Variants in PARD3B observed in about 807,000 individuals in gnomAD.
The protein encoded by PARD3B is par-3 family cell polarity regulator beta, also known as partitioning defective 3 homolog B.
Under a neutral mutation model 130.2 loss-of-function variants are expected in PARD3B, and 103 were observed. The ratio of observed to expected loss-of-function variants is 0.79; its 90% CI spans 0.67 to 0.93. PARD3B has a LOEUF of 0.93. Among genes scored for constraint, PARD3B ranks in the 40% least tolerant of loss-of-function variants. The probability of loss-of-function intolerance (pLI) is 0.00; values close to 1 mark genes in which losing one functional copy is unlikely to be tolerated. For synonymous variants in PARD3B, 583 were observed against 553.2 expected, an observed-to-expected ratio of 1.05 and a Z score of -0.76; for missense variants, 1,609 against 1,499.2, an observed-to-expected ratio of 1.07 and a Z score of -1.21.
Position 205,285,756 on chromosome 2 carries a change from C to T in PARD3B, c.2186-14774C>T, listed in dbSNP as rs115195060. On this transcript the variant is annotated intron_variant, in intron 16 of 22. Coordinates refer to ENST00000406610, the MANE Select transcript of PARD3B (RefSeq NM_001302769.2). ...ATTTTCTCCTCTGACTTCTGCCACT[C>T]CCTCTGTATCTTGCCACATCCCACC... 2.9e-3 allele frequency among the ~76,000 whole-genome samples: 448 copies of T among 152,262 alleles called. 2 individuals are homozygous for T. Among genetic ancestry groups the T allele is most frequent in the African/African-American group, 0.01 (428 of 41,554 alleles).
chr2:205,277,840 G>A (rs1189579605), intron 16 of PARD3B, among the ~76,000 whole-genome samples: 1 of 152,168 alleles, frequency 6.6e-6, no homozygotes, highest in Non-Finnish European at 1.5e-5. Context: ...CCCTACAGGA[G>A]TAATTTGACC....
intron 19 of PARD3B, among the ~76,000 whole-genome samples, chr2:205,402,186 TTGA>T (rs2046275838): frequency 6.6e-6 from 1 of 152,208 alleles, no homozygotes; most frequent in South Asian, 2.1e-4. Flanking sequence ...TTTTGAGAGG[TTGA>T]TAAGCTGAGT....
At chr2:204,962,650 G>A (rs1690849427) in intron 2 of PARD3B, among the ~76,000 whole-genome samples, 1 of 152,150 alleles carries the variant, frequency 6.6e-6, no homozygotes. Flanking sequence ...GATGACTGAA[G>A]TAATTTAGTT....
At chr2:205,511,969 T>C (rs893090606) in intron 21 of PARD3B, among the ~76,000 whole-genome samples, 6 of 152,188 alleles carry the variant, frequency 3.9e-5, no homozygotes, top group Non-Finnish European at 7.3e-5. Context: ...TTGGTTCTTA[T>C]TAAGTAGTAA....
intron 21 of PARD3B, among the ~76,000 whole-genome samples, chr2:205,528,839 A>G (rs2051454034): frequency 7.5e-6 from 1 of 133,260 alleles, no homozygotes; most frequent in Non-Finnish European, 1.6e-5. Context: ...AATGCCAGCA[A>G]ATAGGTCATT....
intron 3 of PARD3B, among the ~76,000 whole-genome samples, chr2:204,997,047 CGCTCACGCTGGGAGCTG>C (rs1260834751): frequency 6.6e-6 from 1 of 152,160 alleles, no homozygotes; most frequent in Non-Finnish European, 1.5e-5. Context: ...TCTTCTGCGT[CGCTCACGCTGGGAGCTG>C]TAGACCGGAG....
chr2:205,583,398 TGTGC>T (rs1381347436), intron 22 of PARD3B, among the ~76,000 whole-genome samples: 1 of 69,594 alleles, frequency 1.4e-5, no homozygotes, highest in Non-Finnish European at 3.2e-5. Context: ...TGTGTGTGTG[TGTGC>T]GCGCGCACGC....
chr2:205,213,920 T>G (rs1305106119), intron 15 of PARD3B, among the ~76,000 whole-genome samples: 2 of 152,120 alleles, frequency 1.3e-5, no homozygotes, highest in Non-Finnish European at 2.9e-5. Flanking sequence ...AATCTATGAA[T>G]AAATTAGGCA....
At position 205,421,365 on chromosome 2, in the gene PARD3B, T is replaced by C. The variant is rs1381541883; in HGVS notation, c.2742-19005T>C. Reference sequence around the variant, plus strand: ...CATTGCAATGTCTCCAATATAATTGTTATGTTTAACATTTAGAGCCATTTA... The same window carrying C: ...CATTGCAATGTCTCCAATATAATTGCTATGTTTAACATTTAGAGCCATTTA... On this transcript the variant is annotated intron_variant, in intron 19 of 22. Coordinates refer to ENST00000406610, the MANE Select transcript of PARD3B (RefSeq NM_001302769.2). The surrounding 1 kb of genome is among the most constrained non-coding windows in gnomAD (Gnocchi z 5.1). 6.6e-6 allele frequency among the ~76,000 whole-genome samples: 1 copy of C among 152,172 alleles called. No individual in the cohort carries two copies. The highest frequency in any genetic ancestry group is 1.5e-5 in the Non-Finnish European group (1 of 68,036).
At chr2:205,512,251 G>A (rs1197902371) in intron 21 of PARD3B, among the ~76,000 whole-genome samples, 1 of 151,978 alleles carries the variant, frequency 6.6e-6, no homozygotes, top group Non-Finnish European at 1.5e-5. Flanking sequence ...CTAAATTTTC[G>A]GAGTGTTTAT....
At chr2:205,043,922 C>T (rs893572150) in intron 3 of PARD3B, among the ~76,000 whole-genome samples, 2 of 151,294 alleles carry the variant, frequency 1.3e-5, no homozygotes, top group African/African-American at 4.9e-5. Context: ...CGTCATCTAG[C>T]ATTAGGTATA....
At chr2:204,575,148 A>G (rs2032195063) in intron 1 of PARD3B, among the ~76,000 whole-genome samples, 1 of 152,226 alleles carries the variant, frequency 6.6e-6, no homozygotes, top group African/African-American at 2.4e-5. Context: ...TTAACCTAAG[A>G]CAGTAATATA....
At chr2:204,711,170 C>T (rs1327514050) in intron 2 of PARD3B, among the ~76,000 whole-genome samples, 3 of 152,132 alleles carry the variant, frequency 2.0e-5, no homozygotes, top group African/African-American at 4.8e-5. Flanking sequence ...GTTCTGATAA[C>T]TGGACTTAAA....
chr2:205,238,849 A>AAAAAAAAATAT lies in PARD3B; in HGVS notation c.2141-6928_2141-6927insAAAAAAATATA, dbSNP rs1273582854. 5.5e-4 allele frequency among the ~76,000 whole-genome samples: 42 copies of AAAAAAAAATAT among 76,900 alleles called. 1 individual carries two copies. Among genetic ancestry groups the AAAAAAAAATAT allele is most frequent in the Admixed American group, 9.3e-4 (5 of 5,372 alleles). The allele number at this position is 76,900 out of a possible 152,430, so 50.4% of individuals were successfully genotyped here. A position where few individuals can be genotyped will look rare whatever the true frequency, so the allele number is the denominator to read the frequency against. The stretch of plus-strand genomic sequence containing the variant: ...AAACTCCGTTTCAAAAAAAAAAAAA[A>AAAAAAAAATAT]ATATATATATATATATATATATATA... On this transcript the variant is annotated intron_variant, in intron 15 of 22. Transcript: ENST00000406610.
intron 18 of PARD3B, among the ~76,000 whole-genome samples, chr2:205,320,221 G>GAGGAAGGAAGGAAGGAAGGAATGA (rs1559657391): frequency 7.4e-6 from 1 of 134,708 alleles, no homozygotes; most frequent in East Asian, 2.6e-4. Flanking sequence ...GGGTGGGGGG[G>GAGGAAGGAAGGAAGGAAGGAATGA]AGGAAGGAAG....
At chr2:204,622,367 T>G (rs745771835) in intron 1 of PARD3B, among the ~76,000 whole-genome samples, 3 of 152,186 alleles carry the variant, frequency 2.0e-5, no homozygotes, top group Non-Finnish European at 4.4e-5. Context: ...GATACCCTCA[T>G]TGTCCGTGTA....
chr2:204,950,372 A>G (rs1388995676), intron 2 of PARD3B, among the ~76,000 whole-genome samples: 1 of 152,246 alleles, frequency 6.6e-6, no homozygotes. Context: ...GAGAAGCTAA[A>G]TAACTTCCCT....
At chr2:205,147,205 T>C (rs2033427998) in intron 10 of PARD3B, among the ~76,000 whole-genome samples, 1 of 152,202 alleles carries the variant, frequency 6.6e-6, no homozygotes, top group South Asian at 2.1e-4. Context: ...ATAAAATTTC[T>C]ATTTGTTATT....
chr2:205,487,487 C>T (rs57360011), intron 20 of PARD3B, among the ~76,000 whole-genome samples: 9,562 of 152,114 alleles, frequency 0.063, 497 homozygotes, highest in South Asian at 0.14. Flanking sequence ...AGCTACCATC[C>T]GTGCACTAAA....
Sources: gnomAD v4.1 joint callset for allele counts (sites outside exome capture counted in the v4.1 genomes callset) on GRCh38, gnomAD v4.1.1 for gene constraint, Gnocchi (gnomAD v3.1) non-coding constraint, MANE v1.5 for transcripts, NCBI Gene and HGNC (gene_info 2026-07-23, HGNC 2026-07-21) for gene names.